GANAB: variants seen among roughly 807,000 people sequenced by gnomAD.
GANAB encodes the protein neutral alpha-glucosidase AB.
In GANAB, 35 loss-of-function variants were observed where a neutral mutation model predicts 129.9. The observed-to-expected ratio is 0.27, with a 90% CI of 0.21 to 0.36. The LOEUF is 0.36. Among genes scored for constraint, GANAB ranks in the 10% least tolerant of loss-of-function variants. GANAB has a pLI of 1.00. For synonymous variants in GANAB, 482 were observed against 451.8 expected (o/e 1.07, Z -0.85); for missense variants, 939 against 1,221.0 (o/e 0.77, Z 3.44).
intron 1 of GANAB, among the ~76,000 whole-genome samples, chr11:62,643,064 G>C (rs1047998675): frequency 2.0e-5 from 3 of 152,100 alleles, no homozygotes; most frequent in African/African-American, 7.2e-5. Context: ...AGGTTATCAC[G>C]AATTGTCAAT....
At chr11:62,635,696 G>A (rs528016548) in intron 4 of GANAB, among the ~76,000 whole-genome samples, 11 of 151,690 alleles carry the variant, frequency 7.3e-5, no homozygotes, top group African/African-American at 2.4e-4. Flanking sequence ...CACAACCTTG[G>A]CTCACTGCAA....
At chr11:62,638,494 G>T (rs1162450422) in intron 4 of GANAB, among the ~76,000 whole-genome samples, 2 of 151,954 alleles carry the variant, frequency 1.3e-5, no homozygotes, top group East Asian at 3.9e-4. Flanking sequence ...AGAAAGTCAT[G>T]GATGGATGCA....
chr11:62,635,774 T>A (rs530046571), intron 4 of GANAB, among the ~76,000 whole-genome samples: 1 of 151,666 alleles, frequency 6.6e-6, no homozygotes, highest in East Asian at 2.0e-4. Flanking sequence ...TACAGGCAGG[T>A]GCCACCACAC....
chr11:62,629,475 G>A (rs1327556049), intron 15 of GANAB, 113 bp downstream of exon 15: 6 of 826,976 alleles, frequency 7.3e-6, no homozygotes, highest in Non-Finnish European at 1.2e-5. Flanking sequence ...ATAGCTGAGA[G>A]GAAACAGATG....
intron 4 of GANAB, among the ~76,000 whole-genome samples, 181 bp downstream of exon 4, chr11:62,638,802 A>G (rs1045723175): frequency 6.6e-6 from 1 of 152,160 alleles, no homozygotes; most frequent in Non-Finnish European, 1.5e-5. Flanking sequence ...ATGAATGAGG[A>G]TAAAGGGATA....
At chr11:62,636,817 G>A (rs1381176907) in intron 4 of GANAB, among the ~76,000 whole-genome samples, 1 of 152,130 alleles carries the variant, frequency 6.6e-6, no homozygotes, top group Non-Finnish European at 1.5e-5. Context: ...CAGCTACTCG[G>A]GAGGCTGATG....
intron 16 of GANAB, 91 bp from the exon 17 acceptor site, chr11:62,629,103 C>T (rs1943539178): frequency 2.6e-6 from 4 of 1,556,230 alleles, no homozygotes; most frequent in Non-Finnish European, 2.7e-6. Flanking sequence ...CTTGGACTCT[C>T]AACTCTCTTT....
rs747350819 is a variant in GANAB at position 62,633,268 on chromosome 11, C to T, written c.634G>A (p.Glu212Lys). Residue 212 changes from glutamate to lysine, a missense_variant, in exon 7 of 24, where the codon GAG becomes AAG. This residue lies in a region of GANAB where 321 missense variants were observed against 329.1 expected (regional missense o/e 0.98). Transcript: ENST00000356638. ...EETPRDGDKP[E>K]ETQGKAEKDE... is the part of the protein sequence containing the mutation. ...TTCTCTGCCTTCCCCTGAGTCTCCT[C>T]TGGCTGTTAAGAAGAAAAGAGGACC... 6.2e-7 allele frequency: 1 copy of T among 1,613,140 alleles called. No individual in the cohort carries two copies. The highest frequency in any genetic ancestry group is 1.3e-5 in the African/African-American group (1 of 74,886).
At chr11:62,646,538 G>GC in intron 1 of GANAB, 24 bp downstream of exon 1, 1 of 1,612,460 alleles carries the variant, frequency 6.2e-7, no homozygotes, top group Middle Eastern at 1.7e-4. Flanking sequence ...TCCCGGGCGC[G>GC]CCCCCAGATT....
chr11:62,627,194 C>T (rs568832916), intron 18 of GANAB, 70 bp from the exon 19 acceptor site: 38 of 1,441,600 alleles, frequency 2.6e-5, no homozygotes, highest in East Asian at 6.8e-5. Flanking sequence ...AAAGTGCCTG[C>T]CCTCTGCACC....
At chr11:62,630,027 G>T (rs1156642016) in intron 13 of GANAB, 70 bp from the exon 14 acceptor site, 6 of 1,527,088 alleles carry the variant, frequency 3.9e-6, no homozygotes, top group Non-Finnish European at 5.4e-6. Context: ...TGTCAGAGAA[G>T]AGAGCTCCTA....
intron 16 of GANAB, 75 bp downstream of exon 16, chr11:62,629,119 C>T (rs1436527791): frequency 1.4e-5 from 22 of 1,539,178 alleles, no homozygotes; most frequent in Non-Finnish European, 9.0e-6. Flanking sequence ...TCTTTGCTTA[C>T]AACACCTTGG....
intron 1 of GANAB, among the ~76,000 whole-genome samples, chr11:62,640,253 G>C (rs1420324661): frequency 3.0e-5 from 1 of 33,154 alleles, no homozygotes; most frequent in East Asian, 2.1e-3. Flanking sequence ...AAAAAAAAAA[G>C]CCAGGCGCGG....
chr11:62,627,868 G>C (rs1943472509), intron 17 of GANAB, among the ~76,000 whole-genome samples: 2 of 152,318 alleles, frequency 1.3e-5, no homozygotes, highest in South Asian at 4.1e-4. Flanking sequence ...CCATCTCCCT[G>C]CTTCTTCTCT....
At chr11:62,633,654 GAGAGGGAACCCACAATGAGC>G in intron 5 of GANAB, 140 bp from the exon 6 acceptor site, 1 of 710,030 alleles carries the variant, frequency 1.4e-6, no homozygotes, top group Middle Eastern at 2.4e-4. Flanking sequence ...TTAAAGCTTG[GAGAGGGAACCCACAATGAGC>G]AGATAAGTTT....
At chr11:62,643,229 G>C (rs1158419484) in intron 1 of GANAB, among the ~76,000 whole-genome samples, 1 of 152,230 alleles carries the variant, frequency 6.6e-6, no homozygotes, top group Non-Finnish European at 1.5e-5. Flanking sequence ...GAATCAGCCA[G>C]GCATGGTAGC....
chr11:62,640,710 G>A (rs1377556721), intron 1 of GANAB, among the ~76,000 whole-genome samples: 4 of 151,196 alleles, frequency 2.6e-5, no homozygotes, highest in African/African-American at 9.7e-5. Flanking sequence ...GTGGGCAGCT[G>A]TAGTCCCAGC....
intron 1 of GANAB, among the ~76,000 whole-genome samples, chr11:62,641,887 A>T (rs1944279642): frequency 6.6e-6 from 1 of 152,008 alleles, no homozygotes; most frequent in Non-Finnish European, 1.5e-5. Context: ...GCTAATTTTT[A>T]AAAAGTTGTG....
chr11:62,634,897 C>T lies in GANAB; in HGVS notation c.484G>A (p.Glu162Lys). 1 of 1,614,046 alleles carries T rather than the reference C, an allele frequency of 6.2e-7. No homozygotes were observed. Among genetic ancestry groups the T allele is most frequent in the Non-Finnish European group, 8.5e-7 (1 of 1,179,906 alleles). ...TARPFRLDLL[E>K]DRSLLLSVNA... ...ACACTAAGCAAAAGACTTCGGTCCT[C>T]TAGTAGGTCAAGGCGGAATGGCCGT... The change falls in exon 5 of 24, where the codon GAG becomes AAG. Residue 162 changes from glutamate to lysine, a missense_variant. Coordinates refer to ENST00000356638, the MANE Select transcript of GANAB (RefSeq NM_198334.3).
Sources: gnomAD v4.1 joint callset for allele counts (sites outside exome capture counted in the v4.1 genomes callset) on GRCh38, gnomAD v4.1.1 for gene constraint, gnomAD v4.1.1 regional missense constraint, MANE v1.5 for transcripts, NCBI Gene and HGNC (gene_info 2026-07-23, HGNC 2026-07-21) for gene names.